UNC5C: variants seen among roughly 807,000 people sequenced by gnomAD.
The protein encoded by UNC5C is unc-5 netrin receptor C.
UNC5C carries 47 observed loss-of-function variants against 99.8 expected under a neutral mutation model. The observed-to-expected ratio is 0.47, with a 90% CI of 0.37 to 0.60. The LOEUF is 0.60. UNC5C is among the 20% of genes least tolerant of loss of function. UNC5C has a pLI of 0.00. For synonymous variants in UNC5C, 487 were observed against 452.2 expected (o/e 1.08, Z -0.98); for missense variants, 1,062 against 1,165.9 (o/e 0.91, Z 1.30).
intron 1 of UNC5C, among the ~76,000 whole-genome samples, chr4:95,359,960 G>A (rs1480533403): frequency 6.6e-6 from 1 of 152,012 alleles, no homozygotes; most frequent in Non-Finnish European, 1.5e-5. Context: ...TAAAAAACAG[G>A]CACAGAGAAG....
At chr4:95,178,004 G>C (rs1001804740) in intron 14 of UNC5C, among the ~76,000 whole-genome samples, 2 of 152,044 alleles carry the variant, frequency 1.3e-5, no homozygotes, top group Non-Finnish European at 2.9e-5. Context: ...CACCATACCT[G>C]GCCCAGTGAG....
intron 1 of UNC5C, among the ~76,000 whole-genome samples, chr4:95,356,204 A>C (rs975873416): frequency 1.4e-5 from 2 of 138,200 alleles, no homozygotes; most frequent in Non-Finnish European, 1.6e-5. Flanking sequence ...AAAAAAAAAA[A>C]AAAAAAAACA....
chr4:95,286,585 T>G (rs1323355175), intron 3 of UNC5C, among the ~76,000 whole-genome samples: 2 of 152,182 alleles, frequency 1.3e-5, no homozygotes, highest in African/African-American at 4.8e-5. Flanking sequence ...TGGCTGACAT[T>G]GTCTAGCACA....
At chr4:95,222,736 C>T (rs948856549) in intron 7 of UNC5C, among the ~76,000 whole-genome samples, 1 of 152,012 alleles carries the variant, frequency 6.6e-6, no homozygotes, top group Non-Finnish European at 1.5e-5. Context: ...CATCATTGGT[C>T]AAAGGTTAAG....
intron 7 of UNC5C, among the ~76,000 whole-genome samples, chr4:95,238,054 A>G (rs1739188927): frequency 1.3e-5 from 2 of 152,030 alleles, no homozygotes; most frequent in South Asian, 4.2e-4. Flanking sequence ...ATACATACAT[A>G]CATACATACA....
rs571173787 is a variant in UNC5C at position 95,471,808 on chromosome 4, T to C, written c.124+76926A>G. ...TCCATAAACGCACTGTCAAAAAACT[T>C]TACGCCTGTATGCATTTTGTCTTTT... On this transcript the variant is annotated intron_variant, in intron 1 of 15. Coordinates refer to ENST00000453304, the MANE Select transcript of UNC5C (RefSeq NM_003728.4). 5.9e-5 allele frequency among the ~76,000 whole-genome samples: 9 copies of C among 152,226 alleles called. No homozygotes were observed. The East Asian group carries it at 1.7e-3, about 30-fold the overall frequency.
intron 1 of UNC5C, among the ~76,000 whole-genome samples, chr4:95,490,112 G>A (rs72876455): frequency 0.027 from 4,143 of 151,604 alleles, 183 homozygotes; most frequent in African/African-American, 0.088. Flanking sequence ...CAGGAAAGGA[G>A]AAAGAGACGG....
chr4:95,189,864 G>GAAAT (rs1300773496), intron 12 of UNC5C, among the ~76,000 whole-genome samples: 3 of 152,214 alleles, frequency 2.0e-5, no homozygotes, highest in Admixed American at 6.5e-5. Context: ...AGGATGTGGA[G>GAAAT]AAATAGGAAC....
At chr4:95,285,469 G>A (rs1198885106) in intron 3 of UNC5C, among the ~76,000 whole-genome samples, 2 of 152,116 alleles carry the variant, frequency 1.3e-5, no homozygotes, top group African/African-American at 4.8e-5. Context: ...CACAACGTAT[G>A]TAATAAATTA....
intron 1 of UNC5C, among the ~76,000 whole-genome samples, chr4:95,337,867 G>A (rs4699424): frequency 0.4 from 60,617 of 151,736 alleles, 13,758 homozygotes; most frequent in East Asian, 0.83. Context: ...AGAATCAATC[G>A]TTAAAAGTTT....
chr4:95,386,342 A>G (rs1005079867), intron 1 of UNC5C, among the ~76,000 whole-genome samples: 1 of 152,022 alleles, frequency 6.6e-6, no homozygotes, highest in Non-Finnish European at 1.5e-5. Context: ...AGCATTAGGT[A>G]TATCTCCCAA....
chr4:95,366,250 G>T (rs1744566329), intron 1 of UNC5C, among the ~76,000 whole-genome samples: 1 of 152,150 alleles, frequency 6.6e-6, no homozygotes, highest in African/African-American at 2.4e-5. Flanking sequence ...AATCACTTTA[G>T]CCCAGCAGTT....
chr4:95,423,435 G>A (rs772537804), intron 1 of UNC5C, among the ~76,000 whole-genome samples: 54 of 152,254 alleles, frequency 3.5e-4, no homozygotes, highest in Admixed American at 1.2e-3. Context: ...TGTAAGTAAC[G>A]CCATGGAATT....
chr4:95,239,252 C>T (rs1739239745), intron 7 of UNC5C, among the ~76,000 whole-genome samples: 1 of 152,204 alleles, frequency 6.6e-6, no homozygotes. Context: ...TTGCTTCTAG[C>T]ACTGTATCTT....
chr4:95,450,565 T>C (rs942927181), intron 1 of UNC5C, among the ~76,000 whole-genome samples: 9 of 152,194 alleles, frequency 5.9e-5, no homozygotes, highest in African/African-American at 2.2e-4. Flanking sequence ...GAAAAACTAT[T>C]TGAGTGGTAT....
intron 1 of UNC5C, among the ~76,000 whole-genome samples, chr4:95,517,972 G>A (rs554792636): frequency 1.2e-4 from 19 of 152,206 alleles, no homozygotes; most frequent in Admixed American, 5.9e-4. Flanking sequence ...CGTGAGTGAC[G>A]TTAAAACATC....
At chr4:95,467,167 A>G (rs578145212) in intron 1 of UNC5C, among the ~76,000 whole-genome samples, 1 of 152,278 alleles carries the variant, frequency 6.6e-6, no homozygotes, top group South Asian at 2.1e-4. Flanking sequence ...CTAATGAGAG[A>G]TTCTGAGCTA....
chr4:95,264,658 T>C, intron 4 of UNC5C, among the ~76,000 whole-genome samples: 1 of 152,064 alleles, frequency 6.6e-6, no homozygotes, highest in South Asian at 2.1e-4. Flanking sequence ...AAGAGTGAAA[T>C]ATTCCCAATC....
intron 1 of UNC5C, among the ~76,000 whole-genome samples, chr4:95,369,677 A>G (rs1744687136): frequency 6.6e-6 from 1 of 152,226 alleles, no homozygotes; most frequent in Admixed American, 6.5e-5. Context: ...AAAATTTCTC[A>G]GTCACATTAG....
Sources: gnomAD v4.1 joint callset for allele counts (sites outside exome capture counted in the v4.1 genomes callset) on GRCh38, gnomAD v4.1.1 for gene constraint, MANE v1.5 for transcripts, NCBI Gene and HGNC (gene_info 2026-07-23, HGNC 2026-07-21) for gene names.